The following IMMP2L variants were observed in gnomAD, a reference collection of about 807,000 sequenced individuals.
IMMP2L encodes inner mitochondrial membrane peptidase subunit 2.
In IMMP2L, 18 loss-of-function variants were observed where a neutral mutation model predicts 19.3. The ratio of observed to expected loss-of-function variants is 0.93; its 90% confidence interval spans 0.64 to 1.38. The LOEUF is 1.38. Ranked by LOEUF, IMMP2L falls within the 40% of genes most tolerant of loss-of-function variation. The pLI, the probability that IMMP2L is intolerant of heterozygous loss-of-function variation, is 0.00. For synonymous variants in IMMP2L, 76 were observed against 73.0 expected (o/e 1.04, Z -0.21); for missense variants, 233 against 218.2 (o/e 1.07, Z -0.43).
intron 5 of IMMP2L, among the ~76,000 whole-genome samples, chr7:110,837,465 TA>T (rs1804612979): frequency 6.6e-6 from 1 of 152,074 alleles, no homozygotes; most frequent in Non-Finnish European, 1.5e-5. Context: ...ATCTTCATAT[TA>T]AAATAAAGAA....
chr7:111,500,448 G>A (rs1341409299), intron 2 of IMMP2L, among the ~76,000 whole-genome samples: 1 of 152,176 alleles, frequency 6.6e-6, no homozygotes, highest in African/African-American at 2.4e-5. Context: ...TGACAGCTTT[G>A]AAGAGAGTAG....
chr7:111,023,625 T>G (rs529630019), intron 3 of IMMP2L, among the ~76,000 whole-genome samples: 14 of 152,144 alleles, frequency 9.2e-5, no homozygotes, highest in African/African-American at 3.1e-4. Flanking sequence ...GAGAATCACT[T>G]GAACCTGGGA....
At chr7:111,126,171 T>C (rs535365761) in intron 3 of IMMP2L, among the ~76,000 whole-genome samples, 2 of 152,148 alleles carry the variant, frequency 1.3e-5, no homozygotes, top group African/African-American at 2.4e-5. Context: ...TTATGACTTA[T>C]GCTCTAGGTA....
chr7:110,739,887 T>C (rs892486129), intron 5 of IMMP2L, among the ~76,000 whole-genome samples: 4 of 152,152 alleles, frequency 2.6e-5, no homozygotes, highest in East Asian at 3.9e-4. Flanking sequence ...TGGAATAACA[T>C]TGGAAATCCA....
intron 3 of IMMP2L, among the ~76,000 whole-genome samples, chr7:111,303,235 A>G (rs1302327582): frequency 1.3e-5 from 2 of 152,142 alleles, no homozygotes; most frequent in Non-Finnish European, 2.9e-5. Flanking sequence ...AAGTTAAAAT[A>G]GCATGTATTC....
intron 5 of IMMP2L, among the ~76,000 whole-genome samples, chr7:110,744,179 A>G (rs913702768): frequency 2.6e-5 from 4 of 152,130 alleles, no homozygotes; most frequent in Admixed American, 2.0e-4. Context: ...CCAGCTCAGA[A>G]AGGCTGCTGC....
chr7:111,445,325 C>T (rs984516184), intron 3 of IMMP2L, among the ~76,000 whole-genome samples: 4 of 151,928 alleles, frequency 2.6e-5, no homozygotes, highest in African/African-American at 9.7e-5. Context: ...GACCAGCTCC[C>T]CAAGTCAGAA....
At chr7:111,256,412 T>C (rs1419149882) in intron 3 of IMMP2L, among the ~76,000 whole-genome samples, 1 of 152,052 alleles carries the variant, frequency 6.6e-6, no homozygotes, top group Non-Finnish European at 1.5e-5. Flanking sequence ...ATAACTGTGG[T>C]TCACTGTGTA....
chr7:110,693,193 T>C (rs1305987831), intron 5 of IMMP2L, among the ~76,000 whole-genome samples: 1 of 152,188 alleles, frequency 6.6e-6, no homozygotes, highest in Non-Finnish European at 1.5e-5. Flanking sequence ...ATATACTAAA[T>C]TGTCTACTTC....
At chr7:110,695,839 C>G (rs972262330) in intron 5 of IMMP2L, among the ~76,000 whole-genome samples, 2 of 152,170 alleles carry the variant, frequency 1.3e-5, no homozygotes, top group Non-Finnish European at 2.9e-5. Flanking sequence ...AGGCAGAGCA[C>G]AGAGACAAAA....
At chr7:111,352,513 T>C (rs1240000874) in intron 3 of IMMP2L, among the ~76,000 whole-genome samples, 2 of 152,020 alleles carry the variant, frequency 1.3e-5, no homozygotes, top group African/African-American at 2.4e-5. Context: ...CTGGTCATAC[T>C]GTTTTCTGCA....
intron 3 of IMMP2L, among the ~76,000 whole-genome samples, chr7:110,977,601 T>G (rs1369270978): frequency 6.6e-6 from 1 of 151,982 alleles, no homozygotes; most frequent in African/African-American, 2.4e-5. Flanking sequence ...TTACACCCAG[T>G]TAGCAATTCT....
intron 3 of IMMP2L, among the ~76,000 whole-genome samples, chr7:110,969,209 T>C (rs1819878617): frequency 6.6e-6 from 1 of 152,104 alleles, no homozygotes; most frequent in Non-Finnish European, 1.5e-5. Flanking sequence ...TGCTTCACTA[T>C]CAGTAGTGTG....
intron 3 of IMMP2L, among the ~76,000 whole-genome samples, chr7:111,316,644 A>G (rs1463085919): frequency 6.6e-6 from 1 of 151,984 alleles, no homozygotes; most frequent in Non-Finnish European, 1.5e-5. Flanking sequence ...TAAAAAGTAA[A>G]GGGAGAAAAG....
intron 3 of IMMP2L, among the ~76,000 whole-genome samples, chr7:111,178,236 T>C (rs1210688011): frequency 6.6e-6 from 1 of 152,140 alleles, no homozygotes; most frequent in African/African-American, 2.4e-5. Context: ...CACTATACTG[T>C]ACTTTATTAA....
At chr7:111,065,913 TGCGCGCGC>T (rs1368904289) in intron 3 of IMMP2L, among the ~76,000 whole-genome samples, 1 of 149,436 alleles carries the variant, frequency 6.7e-6, no homozygotes, top group South Asian at 2.2e-4. Flanking sequence ...TGTGTGTGTG[TGCGCGCGC>T]GTGTATGCGC....
At chr7:111,432,171 A>G (rs1334044739) in intron 3 of IMMP2L, among the ~76,000 whole-genome samples, 1 of 151,624 alleles carries the variant, frequency 6.6e-6, no homozygotes, top group Admixed American at 6.6e-5. Context: ...CCAGGTAGGT[A>G]GTGTCAGGAC....
At chr7:111,101,286 T>C (rs536851674) in intron 3 of IMMP2L, among the ~76,000 whole-genome samples, 2 of 151,528 alleles carry the variant, frequency 1.3e-5, no homozygotes, top group East Asian at 3.9e-4. Flanking sequence ...TATAGATACA[T>C]CCCTAGTCAT....
chr7:110,818,920 T>G (rs954416036), intron 5 of IMMP2L, among the ~76,000 whole-genome samples: 2 of 122,392 alleles, frequency 1.6e-5, no homozygotes, highest in African/African-American at 6.4e-5. Flanking sequence ...TGAGAACACA[T>G]GGACACAGGA....
Sources: allele counts gnomAD v4.1 joint callset (sites outside exome capture counted in the v4.1 genomes callset), GRCh38; gene constraint gnomAD v4.1.1; transcripts MANE v1.5; gene names NCBI Gene and HGNC (gene_info 2026-07-23, HGNC 2026-07-21).